The following NCKIPSD variants were observed in gnomAD, a reference collection of about 807,000 sequenced individuals.
NCKIPSD encodes NCK-interacting protein with SH3 domain.
Under a neutral mutation model 73.4 loss-of-function variants are expected in NCKIPSD, and 48 were observed. The ratio of observed to expected loss-of-function variants is 0.65; its 90% CI spans 0.52 to 0.83. The LOEUF (loss-of-function observed/expected upper bound fraction) is 0.83, where lower values mean the gene tolerates loss of function less well. Ranked by LOEUF, NCKIPSD falls within the 40% of genes least tolerant of loss-of-function variation. The pLI is 0.00. For missense variants in NCKIPSD, 884 were observed against 970.2 expected, an observed-to-expected ratio of 0.91 and a Z score of 1.18; for synonymous variants, 422 against 403.6, an observed-to-expected ratio of 1.05 and a Z score of -0.54.
rs1289381930 is a variant in NCKIPSD at position 48,680,116 on chromosome 3, T to C, written c.1206A>G (p.Ala402=). The stretch of plus-strand genomic sequence containing the variant: ...GGATGACACCCTCATCCTCATATAG[T>C]GCCCAACTGCGCTGCTGGGCGTCGT... The part of the protein sequence containing the change: ...RKDDAQQRSW[A]LYEDEGVIRC... The change falls in exon 6 of 13, where the codon GCA becomes GCG. Residue 402 remains alanine (A), a synonymous_variant. Transcript: ENST00000294129. The C allele has an allele frequency of 6.2e-7, 1 of 1,614,120 alleles. No individual in the cohort carries two copies. Among genetic ancestry groups the C allele is most frequent in the Non-Finnish European group, 8.5e-7 (1 of 1,180,022 alleles).
intron 12 of NCKIPSD, among the ~76,000 whole-genome samples, chr3:48,676,041 G>A (rs1410956295): frequency 1.3e-5 from 2 of 152,158 alleles, no homozygotes; most frequent in East Asian, 1.9e-4. Flanking sequence ...AAACACCAGC[G>A]TCTAAGCTAT....
At chr3:48,681,808 AG>A in intron 4 of NCKIPSD, 28 bp from the exon 5 acceptor site, 1 of 1,468,028 alleles carries the variant, frequency 6.8e-7, no homozygotes. Context: ...AAGCTGGGCC[AG>A]GGCAGCCCCC....
At position 48,674,260 on chromosome 3, in the gene NCKIPSD, A is replaced by C; in HGVS notation, c.*284T>G. ...AGCGGCAGCAGGACTCTGAGTGTAC[A>C]CATGGGTGTGGGGTGAAGAGGGGGG... is the stretch of plus-strand genomic sequence containing the variant. On this transcript the variant is annotated 3_prime_UTR_variant, in exon 13 of 13. Transcript: ENST00000294129. The C allele has an allele frequency of 7.6e-7, 1 of 1,319,166 alleles. No homozygotes were observed. The highest frequency in any genetic ancestry group is 9.7e-7 in the Non-Finnish European group (1 of 1,025,646). The allele number at this position is 1,319,166 out of a possible 1,614,324, so 81.7% of individuals were successfully genotyped here.
intron 12 of NCKIPSD, among the ~76,000 whole-genome samples, chr3:48,678,214 G>T (rs1306971372): frequency 6.6e-6 from 1 of 152,138 alleles, no homozygotes; most frequent in East Asian, 1.9e-4. Context: ...TCCCTGGCTG[G>T]CTTCCACTCT....
Position 48,679,051 on chromosome 3 carries a change from C to A in NCKIPSD, c.1699+4G>T. 1 of 1,614,166 alleles carries A rather than the reference C, an allele frequency of 6.2e-7. No homozygotes were observed. Among genetic ancestry groups the A allele is most frequent in the South Asian group, 1.1e-5 (1 of 91,080 alleles). On this transcript the variant is annotated splice_donor_region_variant and intron_variant, in intron 10 of 12. Transcript: ENST00000294129. ...AGCCACCGCCCAGCCAGGCCCCACC[C>A]CACCTGGCAGGTGCAGGTTGAGAGC...
At chr3:48,682,195 A>G in intron 3 of NCKIPSD, 39 bp from the exon 4 acceptor site, 1 of 1,580,790 alleles carries the variant, frequency 6.3e-7, no homozygotes, top group Non-Finnish European at 8.6e-7. Flanking sequence ...ACAGACTGAC[A>G]TCTAGAGCGT....
chr3:48,679,570 C>A lies in NCKIPSD; in HGVS notation c.1489+5G>T. On this transcript the variant is annotated splice_donor_5th_base_variant and intron_variant, in intron 8 of 12. Coordinates refer to ENST00000294129, the MANE Select transcript of NCKIPSD (RefSeq NM_016453.4). ...GTTCCCTCCTACCCCGCCCTCCAGC[C>A]TCACCCTGCGTGTCTGTCTGCATGT... is the stretch of plus-strand genomic sequence containing the variant. The A allele has an allele frequency of 6.2e-7, 1 of 1,613,828 alleles. No homozygotes were observed. The highest frequency in any genetic ancestry group is 1.1e-5 in the South Asian group (1 of 91,070).
At chr3:48,678,496 C>T in intron 12 of NCKIPSD, 68 bp downstream of exon 12, 1 of 1,511,332 alleles carries the variant, frequency 6.6e-7, no homozygotes. Flanking sequence ...CACTCAATGT[C>T]ATGCCCCCCA....
chr3:48,676,621 C>T (rs1369227708), intron 12 of NCKIPSD, among the ~76,000 whole-genome samples: 4 of 152,210 alleles, frequency 2.6e-5, no homozygotes, highest in African/African-American at 9.6e-5. Flanking sequence ...GTTGGAATTA[C>T]AGGTGCATAC....
intron 1 of NCKIPSD, among the ~76,000 whole-genome samples, chr3:48,685,258 G>A (rs954789555): frequency 6.0e-5 from 9 of 150,456 alleles, no homozygotes; most frequent in African/African-American, 2.2e-4. Flanking sequence ...GGAATCCAGA[G>A]AAGGGGCATA....
In NCKIPSD at chr3:48,674,456, C is replaced by A; in HGVS notation, c.*88G>T. Reference sequence around the variant, plus strand: ...TTCCTTCTGCCACCTTATCCCCTCCCACTGTCAGTGCAAAACATTCTTAGG... The same window carrying A: ...TTCCTTCTGCCACCTTATCCCCTCCAACTGTCAGTGCAAAACATTCTTAGG... On this transcript the variant is annotated 3_prime_UTR_variant, in exon 13 of 13. Transcript: ENST00000294129. The A allele has an allele frequency of 6.6e-7, 1 of 1,504,256 alleles. No individual in the cohort carries two copies. The highest frequency in any genetic ancestry group is 8.9e-7 in the Non-Finnish European group (1 of 1,125,014). The allele number at this position is 1,504,256 out of a possible 1,614,324, so 93.2% of individuals were successfully genotyped here.
intron 5 of NCKIPSD, among the ~76,000 whole-genome samples, chr3:48,681,030 C>T (rs1394040279): frequency 6.6e-6 from 1 of 152,216 alleles, no homozygotes; most frequent in African/African-American, 2.4e-5. Context: ...GTGTTCCAGT[C>T]CTGCAGGCCT....
rs972702866 is a variant in NCKIPSD, at chr3:48,685,648, G to C, written c.160C>G (p.Arg54Gly). ...AGGGGCGCACTCACCTGCAGGCGGC[G>C]CAGGTAGGCTGGCGGCACGTAGCCC... Reference protein sequence around the residue: ...ETGYVPPAYLRRLQGLEQDVL... With the variant: ...ETGYVPPAYLGRLQGLEQDVL... The change falls in exon 1 of 13, where the codon CGC becomes GGC. Residue 54 changes from arginine to glycine, a missense_variant. By Grantham distance (125) the Arg-to-Gly change is moderately radical. Transcript: ENST00000294129. 1.3e-6 allele frequency: 2 copies of C among 1,523,032 alleles called. No homozygotes were observed. The highest frequency in any genetic ancestry group is 1.4e-5 in the African/African-American group (1 of 70,690). The allele number at this position is 1,523,032 out of a possible 1,614,324, so 94.3% of individuals were successfully genotyped here. A position where few individuals can be genotyped will look rare whatever the true frequency, so the allele number is the denominator to read the frequency against.
At chr3:48,684,017 C>CAG (rs1363581173) in intron 1 of NCKIPSD, among the ~76,000 whole-genome samples, 119 of 148,156 alleles carry the variant, frequency 8.0e-4, no homozygotes, top group African/African-American at 2.4e-3. Context: ...CACACACACA[C>CAG]ACAGAGAGAG....
rs1006282892 is a variant in NCKIPSD, at chr3:48,678,274, C to G, written c.1965+290G>C. On this transcript the variant is annotated intron_variant, in intron 12 of 12. Transcript: ENST00000294129. ...GGGATGTTAATCACATCACATTCCC[C>G]GGTCCTGAGATCACAACCTCTTGCA... Among the ~76,000 whole-genome samples the G allele has an allele frequency of 8.5e-5, 13 of 152,294 alleles. 1 individual carries two copies. The highest frequency in any genetic ancestry group is 8.5e-4 in the Admixed American group (13 of 15,298).
Position 48,685,814 on chromosome 3 carries a change from G to C in NCKIPSD, c.-7C>G, listed in dbSNP as rs1008085217. The C allele has an allele frequency of 1.4e-6, 2 of 1,469,724 alleles. No individual in the cohort carries two copies. Among genetic ancestry groups the C allele is most frequent in the South Asian group, 1.3e-5 (1 of 74,628 alleles). 91.0% of individuals were successfully genotyped at this position (1,469,724 alleles called of 1,614,324 possible). ...CGTACAGCGCGCGGTACATGAGGCC[G>C]GGCAGGGCAGGTGCAGGGAAGGTGG... On this transcript the variant is annotated 5_prime_UTR_variant, in exon 1 of 13. Coordinates refer to ENST00000294129, the MANE Select transcript of NCKIPSD (RefSeq NM_016453.4).
In NCKIPSD at chr3:48,682,138, GGGAAGATGGAAGTGGGATCT is replaced by G. The variant is rs757738460; in HGVS notation, c.487-2_504del. The G allele has an allele frequency of 4.0e-5, 64 of 1,598,390 alleles. No individual in the cohort carries two copies. The highest frequency in any genetic ancestry group is 3.7e-4 in the African/African-American group (28 of 74,930). ...GCTCGGCGAGGCTGTGGTGGGATCT[GGGAAGATGGAAGTGGGATCT>G]GGAAGATGGAAGTAGGATCTTGGAG... On this transcript the variant is annotated splice_acceptor_variant and coding_sequence_variant, in exon 4 of 13. Transcript: ENST00000294129. LOFTEE classifies it high-confidence loss of function.
intron 12 of NCKIPSD, among the ~76,000 whole-genome samples, chr3:48,677,887 G>A (rs889216723): frequency 6.6e-6 from 1 of 152,034 alleles, no homozygotes; most frequent in Non-Finnish European, 1.5e-5. Context: ...AGACCACTCC[G>A]AAATGTCTCT....
At chr3:48,677,782 C>T (rs546758582) in intron 12 of NCKIPSD, among the ~76,000 whole-genome samples, 92 of 152,272 alleles carry the variant, frequency 6.0e-4, no homozygotes, top group African/African-American at 2.0e-3. Flanking sequence ...TTCAGCTGTG[C>T]CCAGGGCTGC....
Sources: allele counts gnomAD v4.1 joint callset (sites outside exome capture counted in the v4.1 genomes callset), GRCh38; gene constraint gnomAD v4.1.1; transcripts MANE v1.5; gene names NCBI Gene and HGNC (gene_info 2026-07-23, HGNC 2026-07-21).